ADAMTS17: variants seen among roughly 807,000 people sequenced by gnomAD.
ADAMTS17 encodes the protein A disintegrin and metalloproteinase with thrombospondin motifs 17.
A neutral mutation model predicts 141.5 loss-of-function variants in ADAMTS17; 113 were observed. That is an observed-to-expected ratio of 0.80 (90% CI 0.69 to 0.93). The LOEUF is 0.93. Ranked by LOEUF, ADAMTS17 falls within the 40% of genes least tolerant of loss-of-function variation. The pLI, the probability that ADAMTS17 is intolerant of heterozygous loss-of-function variation, is 0.00. For missense variants in ADAMTS17, 1,659 were observed against 1,517.9 expected, an observed-to-expected ratio of 1.09 and a Z score of -1.54; for synonymous variants, 768 against 630.6, an observed-to-expected ratio of 1.22 and a Z score of -3.27.
chr15:100,258,662 T>TACCTCCTACCA lies in ADAMTS17; in HGVS notation c.1031+2816_1031+2817insTGGTAGGAGGT, dbSNP rs11274524. ...GAAAGACCTGCCCCCACGATTCTAT[T>TACCTCCTACCA]GGTCCCTCCCACAACATGTGGGAAT... On this transcript the variant is annotated intron_variant, in intron 6 of 21. Transcript: ENST00000268070. Among the ~76,000 whole-genome samples the TACCTCCTACCA allele has an allele frequency of 2.0e-5, 3 of 151,736 alleles. No homozygotes were observed. In the South Asian group the frequency reaches 6.3e-4, roughly 32 times the overall value.
intron 8 of ADAMTS17, among the ~76,000 whole-genome samples, chr15:100,189,986 TGACCA>T (rs2040859418): frequency 6.6e-6 from 1 of 152,204 alleles, no homozygotes; most frequent in East Asian, 1.9e-4. Flanking sequence ...AGTTCAACGC[TGACCA>T]GCCTGCCTTC....
At chr15:100,226,509 G>A (rs547406196) in intron 7 of ADAMTS17, among the ~76,000 whole-genome samples, 5 of 152,342 alleles carry the variant, frequency 3.3e-5, no homozygotes, top group African/African-American at 7.2e-5. Context: ...AGGCTTTTCC[G>A]TGAAACTGAA....
chr15:100,309,838 T>C (rs920549657), intron 3 of ADAMTS17, among the ~76,000 whole-genome samples: 9 of 152,144 alleles, frequency 5.9e-5, no homozygotes, highest in Non-Finnish European at 7.4e-5. Flanking sequence ...TCTCTCTCCC[T>C]GCTGCCCCCG....
At chr15:100,076,905 T>C (rs981953181) in intron 15 of ADAMTS17, among the ~76,000 whole-genome samples, 9 of 152,258 alleles carry the variant, frequency 5.9e-5, no homozygotes, top group African/African-American at 1.9e-4. Flanking sequence ...AGATCATGTA[T>C]GTTATTATGT....
chr15:99,988,278 A>G (rs1448835776), intron 20 of ADAMTS17, among the ~76,000 whole-genome samples: 3 of 152,092 alleles, frequency 2.0e-5, no homozygotes, highest in Admixed American at 1.3e-4. Context: ...TCCCACGGTC[A>G]TGAGTGGGTT....
At chr15:100,201,726 C>A (rs551256567) in intron 7 of ADAMTS17, among the ~76,000 whole-genome samples, 2 of 151,600 alleles carry the variant, frequency 1.3e-5, no homozygotes, top group South Asian at 2.1e-4. Context: ...TTTGTGGCCA[C>A]GTGGATGTCA....
rs2040705099 is a variant in ADAMTS17, at chr15:100,186,068, G to C, written c.1181+13250C>G. Among the ~76,000 whole-genome samples, 2 of 152,170 alleles carry C rather than the reference G, an allele frequency of 1.3e-5. 1 individual carries two copies. The highest frequency in any genetic ancestry group is 4.8e-5 in the African/African-American group (2 of 41,432). On this transcript the variant is annotated intron_variant, in intron 8 of 21. Transcript: ENST00000268070. ...ACTGGCAGTGGCCGCCTAGAGTTGG[G>C]AAGGCCTGTGAGTTGCGATTCAGTG...
chr15:100,111,100 C>T (rs1365682013), intron 13 of ADAMTS17, among the ~76,000 whole-genome samples: 2 of 152,140 alleles, frequency 1.3e-5, no homozygotes, highest in East Asian at 3.9e-4. Flanking sequence ...TCTGAAGCCT[C>T]CCAGGTAAGG....
chr15:100,158,812 C>T (rs1349089321), intron 8 of ADAMTS17, among the ~76,000 whole-genome samples: 1 of 152,112 alleles, frequency 6.6e-6, no homozygotes, highest in Non-Finnish European at 1.5e-5. Flanking sequence ...GGGCTAAAGA[C>T]TTGAGAAGAC....
At position 100,025,326 on chromosome 15, in the gene ADAMTS17, G is replaced by C. The variant is rs546274115; in HGVS notation, c.2591+23531C>G. Among the ~76,000 whole-genome samples the C allele has an allele frequency of 2.0e-5, 3 of 151,526 alleles. No individual in the cohort carries two copies. In the South Asian group the frequency reaches 6.3e-4, roughly 32 times the overall value. ...CCTTTATTTTTAGCCTTTTTGAATC[G>C]GTTTCTTTTAGGTGTGTTTTTTTGC... On this transcript the variant is annotated intron_variant, in intron 18 of 21. Coordinates refer to ENST00000268070, the MANE Select transcript of ADAMTS17 (RefSeq NM_139057.4).
chr15:100,338,469 G>A (rs899204855), intron 2 of ADAMTS17, among the ~76,000 whole-genome samples: 27 of 152,172 alleles, frequency 1.8e-4, no homozygotes, highest in African/African-American at 6.3e-4. Context: ...CATCCGGAAC[G>A]AAGTTTTGTT....
chr15:100,131,383 G>C (rs201287486), intron 12 of ADAMTS17, among the ~76,000 whole-genome samples: 2 of 104,254 alleles, frequency 1.9e-5, no homozygotes, highest in Non-Finnish European at 4.2e-5. Context: ...AAAAAAAAAA[G>C]AAATGGGAAA....
chr15:100,326,309 CA>C (rs1490990990), intron 3 of ADAMTS17, among the ~76,000 whole-genome samples: 3 of 152,082 alleles, frequency 2.0e-5, no homozygotes, highest in Admixed American at 2.0e-4. Flanking sequence ...GGAAAGACTC[CA>C]ACTACCACTT....
intron 20 of ADAMTS17, among the ~76,000 whole-genome samples, chr15:99,978,351 A>G (rs890336917): frequency 6.6e-6 from 1 of 152,162 alleles, no homozygotes; most frequent in African/African-American, 2.4e-5. Flanking sequence ...ATGTTGCTCT[A>G]AAGGGGCACT....
At chr15:100,009,683 C>T (rs1042802400) in intron 18 of ADAMTS17, among the ~76,000 whole-genome samples, 5 of 152,320 alleles carry the variant, frequency 3.3e-5, no homozygotes, top group East Asian at 1.9e-4. Context: ...ATCCAGACAT[C>T]GGTCTTGTTA....
At chr15:100,250,824 G>A (rs2043130929) in intron 7 of ADAMTS17, among the ~76,000 whole-genome samples, 1 of 152,150 alleles carries the variant, frequency 6.6e-6, no homozygotes, top group South Asian at 2.1e-4. Flanking sequence ...GACAAAGCTG[G>A]GTGATAGGTA....
chr15:100,190,056 C>T (rs528424661), intron 8 of ADAMTS17, among the ~76,000 whole-genome samples: 12 of 152,356 alleles, frequency 7.9e-5, no homozygotes, highest in African/African-American at 1.2e-4. Context: ...CTGAGGCTTA[C>T]TTAGCAGAGG....
In ADAMTS17 at chr15:100,155,237, T is replaced by C. The variant is rs372539487; in HGVS notation, c.1265A>G (p.Asn422Ser). ...IMSGEWVKGRNPSDLSWSSCS... is the reference protein window; with the variant it reads ...IMSGEWVKGRSPSDLSWSSCS... Reference sequence around the variant, plus strand: ...GGAGGACCAAGAGAGGTCACTTGGGTTCCGGCCTTTCACCCACTCTCCTGA... The same window carrying C: ...GGAGGACCAAGAGAGGTCACTTGGGCTCCGGCCTTTCACCCACTCTCCTGA... The change falls in exon 9 of 22, where the codon AAC becomes AGC. Residue 422 changes from asparagine to serine, a missense_variant. By Grantham distance (46) the Asn-to-Ser change is conservative. Transcript: ENST00000268070. The C allele has an allele frequency of 3.7e-6, 6 of 1,614,178 alleles. No homozygotes were observed. The highest frequency in any genetic ancestry group is 5.1e-6 in the Non-Finnish European group (6 of 1,180,028).
At position 100,051,596 on chromosome 15, in the gene ADAMTS17, C is replaced by G. The variant is rs201676815; in HGVS notation, c.2431G>C (p.Gly811Arg). 5.9e-5 allele frequency: 96 copies of G among 1,613,874 alleles called. No individual in the cohort carries two copies. Among genetic ancestry groups the G allele is most frequent in the African/African-American group, 1.3e-4 (10 of 74,928 alleles). ...LFIWTHSGWE[G>R]CSVQCGGGER... ...CCTCCGCCGCACTGCACACTGCACC[C>G]TTCCCAGCCGCTGTGGGTCCAGATG... Residue 811 changes from glycine (G) to arginine (R), a missense_variant, in exon 17 of 22, where the codon GGG (glycine) becomes CGG (arginine). By Grantham distance (125) the Gly-to-Arg change is moderately radical. Coordinates refer to ENST00000268070, the MANE Select transcript of ADAMTS17 (RefSeq NM_139057.4).
Sources: gnomAD v4.1 joint callset for allele counts (sites outside exome capture counted in the v4.1 genomes callset) on GRCh38, gnomAD v4.1.1 for gene constraint, MANE v1.5 for transcripts, NCBI Gene and HGNC (gene_info 2026-07-23, HGNC 2026-07-21) for gene names.